The following ZNF131 variants were observed in gnomAD, a reference collection of about 807,000 sequenced individuals.
ZNF131 encodes zinc finger and BTB domain containing 35.
A neutral mutation model predicts 60.0 loss-of-function variants in ZNF131; 7 were observed. The observed-to-expected ratio is 0.12, with a 90% CI of 0.07 to 0.22. The LOEUF (loss-of-function observed/expected upper bound fraction) is 0.22, where lower values mean the gene tolerates loss of function less well. Among genes scored for constraint, ZNF131 ranks in the 10% least tolerant of loss-of-function variants. The probability of loss-of-function intolerance (pLI) is 1.00; values close to 1 mark genes in which losing one functional copy is unlikely to be tolerated. For missense variants in ZNF131, 493 were observed against 740.9 expected (o/e 0.67, Z 3.88); for synonymous variants, 257 against 253.2 (o/e 1.01, Z -0.14).
At chr5:43,124,775 C>G (rs1279435191) in intron 3 of ZNF131, 1 of 152,128 alleles carries the variant, frequency 6.6e-6, no homozygotes, top group East Asian at 1.9e-4. Flanking sequence ...CGATAACATG[C>G]AGAGTGCATG....
Position 43,158,557 on chromosome 5 carries a change from T to C in ZNF131, c.372-2692T>C, listed in dbSNP as rs967142751. On this transcript the variant is annotated intron_variant, in intron 4 of 6. Coordinates refer to ENST00000682664, the MANE Select transcript of ZNF131 (RefSeq NM_001330707.2). The stretch of plus-strand genomic sequence containing the variant: ...CTCCCGCCTCAGCCTCCCAAAGTGT[T>C]GGGATTACAGGCGTGAGCCACCGCG... Among the ~76,000 whole-genome samples the C allele has an allele frequency of 5.9e-5, 9 of 152,366 alleles. No homozygotes were observed. In the East Asian group the frequency reaches 1.5e-3, roughly 26 times the overall value.
At chr5:43,126,715 C>T (rs555789761) in intron 3 of ZNF131, among the ~76,000 whole-genome samples, 12 of 152,290 alleles carry the variant, frequency 7.9e-5, no homozygotes, top group African/African-American at 1.9e-4. Context: ...TTCCGATCAT[C>T]GTCTTTTTCC....
intron 1 of ZNF131, chr5:43,121,806 T>C (rs1437754433): frequency 3.0e-6 from 1 of 333,456 alleles, no homozygotes; most frequent in African/African-American, 2.2e-5. Flanking sequence ...CCGCTCTAGC[T>C]CGCGTCTCCC....
Position 43,161,656 on chromosome 5 carries a change from T to C in ZNF131, c.779T>C (p.Leu260Ser). The change falls in exon 5 of 7, where the codon TTG (leucine) becomes TCG (serine). Residue 260 changes from leucine to serine, a missense_variant. Leu to Ser is a moderately radical substitution (Grantham distance 145). Transcript: ENST00000682664. ...CTTCAGCTGTCACATGTGAAGGACT[T>C]GTTCCATTGTGAGAAATGTAACCGT... ...VELQLSHVKD[L>S]FHCEKCNRSF... 6.2e-7 allele frequency: 1 copy of C among 1,614,266 alleles called. No individual in the cohort carries two copies. Among genetic ancestry groups the C allele is most frequent in the South Asian group, 1.1e-5 (1 of 91,092 alleles).
At chr5:43,124,489 T>C (rs931988345) in intron 3 of ZNF131, 2 of 152,224 alleles carry the variant, frequency 1.3e-5, no homozygotes, top group African/African-American at 4.8e-5. Flanking sequence ...TTTTGGTATA[T>C]TCCAGTTTAG....
chr5:43,125,894 T>A (rs567512426), intron 3 of ZNF131, among the ~76,000 whole-genome samples: 1 of 152,322 alleles, frequency 6.6e-6, no homozygotes, highest in Non-Finnish European at 1.5e-5. Flanking sequence ...ACTAGTCACC[T>A]TGAGATTTAG....
chr5:43,171,570 T>C (rs752705827), intron 5 of ZNF131, among the ~76,000 whole-genome samples: 10 of 152,234 alleles, frequency 6.6e-5, no homozygotes, highest in African/African-American at 1.4e-4. Flanking sequence ...AAAAAAAGAA[T>C]GCTATTATTG....
At chr5:43,165,353 C>G (rs1750221369) in intron 5 of ZNF131, among the ~76,000 whole-genome samples, 1 of 151,904 alleles carries the variant, frequency 6.6e-6, no homozygotes, top group African/African-American at 2.4e-5. Context: ...TGGTTTTATC[C>G]TCTTTGTGCA....
At chr5:43,167,303 G>A (rs1447387203) in intron 5 of ZNF131, among the ~76,000 whole-genome samples, 1 of 152,126 alleles carries the variant, frequency 6.6e-6, no homozygotes, top group Non-Finnish European at 1.5e-5. Flanking sequence ...GGGGAAAATG[G>A]CAGCGATAAA....
chr5:43,135,067 C>T lies in ZNF131; in HGVS notation c.227-4098C>T, dbSNP rs552726829. On this transcript the variant is annotated intron_variant, in intron 3 of 6. Coordinates refer to ENST00000682664, the MANE Select transcript of ZNF131 (RefSeq NM_001330707.2). ...CGGCTGGAGTGCAATGGCGCAATCTCGGCTCCCCCCAACCTCCGCCTCCCA... is the reference window on the plus strand; with the variant it reads ...CGGCTGGAGTGCAATGGCGCAATCTTGGCTCCCCCCAACCTCCGCCTCCCA... Among the ~76,000 whole-genome samples, 268 of 149,104 alleles carry T rather than the reference C, an allele frequency of 1.8e-3. 1 individual carries two copies. The highest frequency in any genetic ancestry group is 7.3e-3 in the Middle Eastern group (2 of 274).
intron 3 of ZNF131, among the ~76,000 whole-genome samples, chr5:43,129,651 T>C (rs1745041897): frequency 6.6e-6 from 1 of 152,108 alleles, no homozygotes; most frequent in Admixed American, 6.5e-5. Context: ...GAGAAACTTC[T>C]GTGTTTTTTG....
chr5:43,130,264 C>CAAAAAA (rs570313526), intron 3 of ZNF131, among the ~76,000 whole-genome samples: 30 of 68,382 alleles, frequency 4.4e-4, no homozygotes, highest in African/African-American at 1.3e-3. Context: ...ACTCTGTCTC[C>CAAAAAA]AAAAAAAAAA....
intron 5 of ZNF131, among the ~76,000 whole-genome samples, chr5:43,166,051 A>G (rs1484764679): frequency 6.6e-6 from 1 of 152,052 alleles, no homozygotes; most frequent in African/African-American, 2.4e-5. Flanking sequence ...ACCTCTCTCA[A>G]CCTTCATAGA....
intron 3 of ZNF131, among the ~76,000 whole-genome samples, chr5:43,136,444 T>C (rs1049205510): frequency 6.8e-6 from 1 of 146,298 alleles, no homozygotes; most frequent in Non-Finnish European, 1.5e-5. Context: ...GCCAAATCAA[T>C]CTTGAAAAAG....
intron 3 of ZNF131, among the ~76,000 whole-genome samples, chr5:43,128,182 T>C (rs745639366): frequency 5.3e-5 from 8 of 152,198 alleles, no homozygotes; most frequent in African/African-American, 1.2e-4. Flanking sequence ...ACTTCTGTTA[T>C]GAAGGGAGTA....
At chr5:43,140,529 TACTC>T (rs1438796454) in intron 4 of ZNF131, among the ~76,000 whole-genome samples, 1 of 152,200 alleles carries the variant, frequency 6.6e-6, no homozygotes, top group Admixed American at 6.5e-5. Flanking sequence ...TGACTCTGAG[TACTC>T]TAAGTATGAA....
intron 5 of ZNF131, among the ~76,000 whole-genome samples, chr5:43,163,872 G>T (rs1373031725): frequency 6.6e-6 from 1 of 152,162 alleles, no homozygotes; most frequent in Non-Finnish European, 1.5e-5. Context: ...AAATAGGTTT[G>T]TCACTGTCAG....
Position 43,161,460 on chromosome 5 carries a change from C to G in ZNF131, c.583C>G (p.Gln195Glu), listed in dbSNP as rs1220750096. The G allele has an allele frequency of 1.2e-6, 2 of 1,614,136 alleles. No homozygotes were observed. Among genetic ancestry groups the G allele is most frequent in the Admixed American group, 3.3e-5 (2 of 60,008 alleles). ...ATTAGAGGAAGTGGCTTCTGCCAAG[C>G]AGTCCGTAAAGTACATACAGAGCAC... ...ETLEEVASAK[Q>E]SVKYIQSTGS... The change falls in exon 5 of 7, where the codon CAG becomes GAG. Residue 195 changes from glutamine (Q) to glutamate (E), a missense_variant. Gln to Glu is a conservative substitution (Grantham distance 29). Coordinates refer to ENST00000682664, the MANE Select transcript of ZNF131 (RefSeq NM_001330707.2).
At chr5:43,159,523 G>T (rs534181566) in intron 4 of ZNF131, among the ~76,000 whole-genome samples, 2 of 151,748 alleles carry the variant, frequency 1.3e-5, no homozygotes, top group African/African-American at 4.8e-5. Context: ...GTGAGACCCC[G>T]TCTCTACTAA....
Sources: allele counts gnomAD v4.1 joint callset (sites outside exome capture counted in the v4.1 genomes callset), GRCh38; gene constraint gnomAD v4.1.1; transcripts MANE v1.5; gene names NCBI Gene and HGNC (gene_info 2026-07-23, HGNC 2026-07-21).